The following TCTN2 variants were observed in gnomAD, a reference collection of about 807,000 sequenced individuals.
The protein encoded by TCTN2 is tectonic family member 2.
A neutral mutation model predicts 83.4 loss-of-function variants in TCTN2; 66 were observed. That is an observed-to-expected ratio of 0.79 (90% CI 0.65 to 0.97). The LOEUF (loss-of-function observed/expected upper bound fraction) is 0.97, where lower values mean the gene tolerates loss of function less well. Ranked by LOEUF, TCTN2 falls within the 50% of genes least tolerant of loss-of-function variation. The pLI is 0.00. For missense variants in TCTN2, 794 were observed against 858.1 expected (o/e 0.93, Z 0.93); for synonymous variants, 301 against 326.7 (o/e 0.92, Z 0.85).
chr12:123,673,890 C>T (rs1424874512), intron 4 of TCTN2, 80 bp downstream of exon 4: 7 of 1,426,822 alleles, frequency 4.9e-6, no homozygotes, highest in Non-Finnish European at 6.9e-6. Context: ...ATTGCTTGAG[C>T]CCGGGAGGTT....
intron 14 of TCTN2, among the ~76,000 whole-genome samples, chr12:123,703,445 G>C (rs1956195316): frequency 6.6e-6 from 1 of 152,068 alleles, no homozygotes; most frequent in African/African-American, 2.4e-5. Flanking sequence ...GCCTCCCAAA[G>C]TGTTGGGATT....
chr12:123,706,826 G>C lies in TCTN2; in HGVS notation c.1870G>C (p.Ala624Pro), dbSNP rs1956235705. 1 of 1,613,938 alleles carries C rather than the reference G, an allele frequency of 6.2e-7. No homozygotes were observed. Among genetic ancestry groups the C allele is most frequent in the South Asian group, 1.1e-5 (1 of 91,084 alleles). The change falls in exon 16 of 18, where the codon GCA (alanine) becomes CCA (proline). Residue 624 changes from alanine (A) to proline (P), a missense_variant. Ala to Pro is a conservative substitution (Grantham distance 27). Coordinates refer to ENST00000303372, the MANE Select transcript of TCTN2 (RefSeq NM_024809.5). ...ATCCGTCCAGTTTATTAAAATTCCTGCACAGTTACCCCACCCCCTGACAAG... is the reference window on the plus strand; with the variant it reads ...ATCCGTCCAGTTTATTAAAATTCCTCCACAGTTACCCCACCCCCTGACAAG... ...SASVQFIKIPAQLPHPLTRFQ... is the reference protein window; with the variant it reads ...SASVQFIKIPPQLPHPLTRFQ...
intron 2 of TCTN2, among the ~76,000 whole-genome samples, chr12:123,671,852 C>T (rs1955757266): frequency 6.6e-6 from 1 of 152,222 alleles, no homozygotes; most frequent in South Asian, 2.1e-4. Context: ...ATCCCATTTT[C>T]CTAGTAAGAA....
At chr12:123,699,246 C>T (rs1956144413) in intron 13 of TCTN2, among the ~76,000 whole-genome samples, 1 of 151,724 alleles carries the variant, frequency 6.6e-6, no homozygotes, top group Non-Finnish European at 1.5e-5. Context: ...CTTAACCCCA[C>T]CAGGCTTATG....
chr12:123,685,187 T>C (rs906665686), intron 5 of TCTN2, among the ~76,000 whole-genome samples: 12 of 152,180 alleles, frequency 7.9e-5, no homozygotes, highest in Non-Finnish European at 1.3e-4. Context: ...TGTTGTGCTG[T>C]GTGCTACAGT....
In TCTN2 at chr12:123,707,040, C is replaced by T; in HGVS notation, c.1951C>T (p.Gln651Ter). 2 of 1,613,804 alleles carry T rather than the reference C, an allele frequency of 1.2e-6. No homozygotes were observed. Among genetic ancestry groups the T allele is most frequent in the Non-Finnish European group, 1.7e-6 (2 of 1,180,008 alleles). The part of the protein sequence containing the change: ...DCNRNEVCWP[Q>*]LLYPWTQYYQ... ...CAACAGAAATGAGGTGTGTTGGCCG[C>T]AGCTTCTATATCCATGGACTCAGTA... The change falls in exon 17 of 18, where the codon CAG becomes TAG. Residue 651 changes from glutamine to a stop codon, truncating the protein, a stop_gained. Transcript: ENST00000303372. LOFTEE classifies it low-confidence loss of function (END_TRUNC).
In TCTN2 at chr12:123,699,687, GT is replaced by G; in HGVS notation, c.1506-16del. ...ACCTGCTGGCCATGAGCTGAGAAAT[GT>G]CTTACTCTCTTGCAGGGAGAATGCT... On this transcript the variant is annotated splice_polypyrimidine_tract_variant and intron_variant, in intron 13 of 17. Coordinates refer to ENST00000303372, the MANE Select transcript of TCTN2 (RefSeq NM_024809.5). 6.2e-7 allele frequency: 1 copy of G among 1,602,302 alleles called. No homozygotes were observed. Among genetic ancestry groups the G allele is most frequent in the Non-Finnish European group, 8.6e-7 (1 of 1,169,228 alleles).
At position 123,700,642 on chromosome 12, in the gene TCTN2, A is replaced by C. The variant is rs929099004; in HGVS notation, c.1612+832A>C. ...GAGACGGGGTTTCACCATGTTGGCC[A>C]GGCTGGTCTCGAACTCCTGACCCCG... On this transcript the variant is annotated intron_variant, in intron 14 of 17. Coordinates refer to ENST00000303372, the MANE Select transcript of TCTN2 (RefSeq NM_024809.5). Among the ~76,000 whole-genome samples, 14 of 152,304 alleles carry C rather than the reference A, an allele frequency of 9.2e-5. No individual in the cohort carries two copies. The South Asian group carries it at 2.7e-3, about 29-fold the overall frequency.
intron 13 of TCTN2, among the ~76,000 whole-genome samples, chr12:123,697,774 G>A (rs1336809156): frequency 2.0e-5 from 3 of 151,802 alleles, no homozygotes; most frequent in Non-Finnish European, 4.4e-5. Flanking sequence ...GATTATAGGC[G>A]TAAGCCACCG....
rs1020961734 is a variant in TCTN2 at position 123,671,528 on chromosome 12, G to A, written c.104G>A (p.Arg35Gln). Residue 35 changes from arginine (R) to glutamine (Q), a missense_variant, in exon 2 of 18, where the codon CGA (arginine) becomes CAA (glutamine). Coordinates refer to ENST00000303372, the MANE Select transcript of TCTN2 (RefSeq NM_024809.5). ...GDLAFIPPFI[R>Q]MSGPAVSASL... ...CTAGCTTTCATCCCTCCTTTTATCC[G>A]AATGTCCGGCCCTGCGGTCAGCGCG... is the stretch of plus-strand genomic sequence containing the variant. 2.5e-6 allele frequency: 4 copies of A among 1,613,950 alleles called. No homozygotes were observed. The highest frequency in any genetic ancestry group is 3.4e-6 in the Non-Finnish European group (4 of 1,180,026).
chr12:123,702,755 G>A (rs575699485), intron 14 of TCTN2, among the ~76,000 whole-genome samples: 2 of 152,324 alleles, frequency 1.3e-5, no homozygotes, highest in East Asian at 1.9e-4. Context: ...ATGTCCAGAC[G>A]GAGAACCCAG....
rs886049054 is a variant in TCTN2 at position 123,688,099 on chromosome 12, A to C, written c.813A>C (p.Ala271=). 9 of 1,614,170 alleles carry C rather than the reference A, an allele frequency of 5.6e-6. No homozygotes were observed. Among genetic ancestry groups the C allele is most frequent in the Non-Finnish European group, 7.6e-6 (9 of 1,179,998 alleles). Residue 271 remains alanine (A), a synonymous_variant, in exon 7 of 18, where the codon GCA becomes GCC. Transcript: ENST00000303372. ...SSFEVYVDTD[A]KDFADFGYKQ... Reference sequence around the variant, plus strand: ...TTGAAGTATATGTGGATACTGACGCAAAAGACTTTGCAGACTTTGGTTACA... The same window carrying C: ...TTGAAGTATATGTGGATACTGACGCCAAAGACTTTGCAGACTTTGGTTACA...
intron 9 of TCTN2, 140 bp from the exon 10 acceptor site, chr12:123,694,702 G>A (rs1273982054): frequency 3.6e-6 from 3 of 832,348 alleles, no homozygotes; most frequent in Non-Finnish European, 5.9e-6. Context: ...AGCAGTGACC[G>A]TGCCATGTTA....
In TCTN2 at chr12:123,708,007, CT is replaced by C. The variant is rs983291114; in HGVS notation, c.*317del. 0.083 allele frequency: 17,649 copies of C among 213,072 alleles called. 13 individuals carry two copies. Among genetic ancestry groups the C allele is most frequent in the South Asian group, 0.14 (2,852 of 20,666 alleles). 13.2% of individuals were successfully genotyped at this position (213,072 alleles called of 1,614,324 possible). ...ACAGGCATGAGCCACCGCACCCGGC[CT>C]TTTTTTTTTTTTTTTTTTTTTTGAG... is the stretch of plus-strand genomic sequence containing the variant. On this transcript the variant is annotated 3_prime_UTR_variant, in exon 18 of 18. Coordinates refer to ENST00000303372, the MANE Select transcript of TCTN2 (RefSeq NM_024809.5).
At chr12:123,681,861 G>T (rs1304993943) in intron 5 of TCTN2, among the ~76,000 whole-genome samples, 2 of 152,196 alleles carry the variant, frequency 1.3e-5, no homozygotes, top group East Asian at 3.9e-4. Context: ...CAATGTATGT[G>T]GGGTATAATT....
In TCTN2 at chr12:123,674,896, C is replaced by T. The variant is rs906032072; in HGVS notation, c.463+1086C>T. Among the ~76,000 whole-genome samples, 3 of 151,952 alleles carry T rather than the reference C, an allele frequency of 2.0e-5. 1 individual carries two copies. The highest frequency in any genetic ancestry group is 4.2e-4 in the South Asian group (2 of 4,818). ...TTTATTTTCATTTTTTTTAGAGACACGGTCTCACTCTGTTACCCAGGCTGG... is the reference window on the plus strand; with the variant it reads ...TTTATTTTCATTTTTTTTAGAGACATGGTCTCACTCTGTTACCCAGGCTGG... On this transcript the variant is annotated intron_variant, in intron 4 of 17. Transcript: ENST00000303372.
intron 4 of TCTN2, among the ~76,000 whole-genome samples, chr12:123,674,086 G>A (rs1184127580): frequency 6.6e-6 from 1 of 152,138 alleles, no homozygotes; most frequent in East Asian, 1.9e-4. Context: ...AATTTGTAAA[G>A]TATACTTCAC....
intron 5 of TCTN2, among the ~76,000 whole-genome samples, chr12:123,682,112 A>G (rs1023212783): frequency 6.6e-6 from 1 of 152,190 alleles, no homozygotes; most frequent in African/African-American, 2.4e-5. Flanking sequence ...CTGGAACCAC[A>G]GGTGCACACC....
In TCTN2 at chr12:123,695,362, C is replaced by T. The variant is rs1204236011; in HGVS notation, c.1312+65C>T. 16 of 1,069,992 alleles carry T rather than the reference C, an allele frequency of 1.5e-5. 1 individual carries two copies. The South Asian group carries it at 1.8e-4, about 12-fold the overall frequency. The allele number at this position is 1,069,992 out of a possible 1,614,324, so 66.3% of individuals were successfully genotyped here. ...ACTTTAGTTCAACACTCCCAGCCAT[C>T]AGGATGGTTATAAGTAACTCTCTCC... On this transcript the variant is annotated intron_variant, in intron 11 of 17. Transcript: ENST00000303372.
Sources: gnomAD v4.1 joint callset for allele counts (sites outside exome capture counted in the v4.1 genomes callset) on GRCh38, gnomAD v4.1.1 for gene constraint, MANE v1.5 for transcripts, NCBI Gene and HGNC (gene_info 2026-07-23, HGNC 2026-07-21) for gene names.